FAM110B: variants seen among roughly 807,000 people sequenced by gnomAD.
FAM110B encodes family with sequence similarity 110 member B.
In FAM110B, 6 loss-of-function variants were observed where a neutral mutation model predicts 20.4. The observed-to-expected ratio is 0.29, with a 90% confidence interval of 0.16 to 0.58. The LOEUF is 0.58. FAM110B is among the 20% of genes least tolerant of loss of function. FAM110B has a pLI of 0.90. For synonymous variants in FAM110B, 226 were observed against 214.1 expected (o/e 1.06, Z -0.49); for missense variants, 434 against 498.2 (o/e 0.87, Z 1.23).
chr8:58,061,670 C>G (rs188889998), intron 2 of FAM110B, among the ~76,000 whole-genome samples: 1 of 152,196 alleles, frequency 6.6e-6, no homozygotes, highest in East Asian at 1.9e-4. Context: ...GTCCTTCACA[C>G]CACTTCCAGT....
In FAM110B at chr8:57,994,606, C is replaced by T. The variant is rs1792509006; in HGVS notation, c.-712C>T. 6.6e-6 allele frequency: 1 copy of T among 152,316 alleles called. No individual in the cohort carries two copies. The highest frequency in any genetic ancestry group is 2.1e-4 in the South Asian group (1 of 4,832). The allele number at this position is 152,316 out of a possible 1,614,324, so 9.4% of individuals were successfully genotyped here. On this transcript the variant is annotated 5_prime_UTR_variant, in exon 1 of 4. Coordinates refer to ENST00000519262, the MANE Select transcript of FAM110B (RefSeq NM_001377989.1). Reference sequence around the variant, plus strand: ...CGCCGCCAGCCGGGCCCTTCGCGGCCGCGCGTCCTGGGCCCGTTCCGCCAG... The same window carrying T: ...CGCCGCCAGCCGGGCCCTTCGCGGCTGCGCGTCCTGGGCCCGTTCCGCCAG...
At chr8:58,057,812 G>A (rs1805577860) in intron 2 of FAM110B, among the ~76,000 whole-genome samples, 1 of 152,250 alleles carries the variant, frequency 6.6e-6, no homozygotes, top group Non-Finnish European at 1.5e-5. Flanking sequence ...AATGATTAAT[G>A]CCTTTTGGCA....
Position 58,075,273 on chromosome 8 carries a change from T to TG in FAM110B, c.-413-262_-413-261insG, listed in dbSNP as rs58047108. On this transcript the variant is annotated intron_variant, in intron 2 of 3. Coordinates refer to ENST00000519262, the MANE Select transcript of FAM110B (RefSeq NM_001377989.1). ...TGAACTAATTTTTGCTTTTTTTTTT[T>TG]TTTGTGTGTGTGTGTGTGTGTGTTT... 7.8e-4 allele frequency among the ~76,000 whole-genome samples: 113 copies of TG among 145,074 alleles called. 1 individual carries two copies. Among genetic ancestry groups the TG allele is most frequent in the African/African-American group, 8.6e-4 (31 of 36,242 alleles).
intron 2 of FAM110B, among the ~76,000 whole-genome samples, chr8:58,047,741 G>T (rs918459897): frequency 2.6e-5 from 4 of 151,374 alleles, no homozygotes; most frequent in Non-Finnish European, 5.9e-5. Context: ...TACTTGTTTT[G>T]GTAAATGACT....
chr8:58,121,053 T>C (rs937506188), intron 3 of FAM110B, among the ~76,000 whole-genome samples: 32 of 152,200 alleles, frequency 2.1e-4, no homozygotes, highest in Admixed American at 6.5e-4. Context: ...TGGAGCTTGC[T>C]CAGTTCCAGT....
At chr8:58,012,651 GTGGCAGACAGCCCTTTCAGTCCC>G (rs996582586) in intron 1 of FAM110B, among the ~76,000 whole-genome samples, 1 of 152,224 alleles carries the variant, frequency 6.6e-6, no homozygotes, top group Non-Finnish European at 1.5e-5. Context: ...CACAAGTGTG[GTGGCAGACAGCCCTTTCAGTCCC>G]TGGGCCTGTG....
intron 2 of FAM110B, among the ~76,000 whole-genome samples, chr8:58,075,275 T>TTTTTTGTGTGTGTGTGTGTGTGTGTG (rs1554521068): frequency 1.4e-5 from 2 of 141,668 alleles, no homozygotes; most frequent in African/African-American, 5.7e-5. Flanking sequence ...TTTTTTTTTT[T>TTTTTTGTGTGTGTGTGTGTGTGTGTG]TGTGTGTGTG....
intron 2 of FAM110B, among the ~76,000 whole-genome samples, chr8:58,046,592 C>T (rs756509147): frequency 5.9e-5 from 9 of 152,210 alleles, no homozygotes; most frequent in Non-Finnish European, 1.2e-4. Context: ...GTTAGATGTA[C>T]ATAGGTATGT....
chr8:58,089,749 CTTAT>C (rs1806428333), intron 3 of FAM110B, among the ~76,000 whole-genome samples: 1 of 152,148 alleles, frequency 6.6e-6, no homozygotes, highest in African/African-American at 2.4e-5. Context: ...TCACATAGCT[CTTAT>C]TTATTTTTGA....
intron 3 of FAM110B, among the ~76,000 whole-genome samples, chr8:58,120,616 A>C (rs1394846249): frequency 2.0e-5 from 3 of 152,212 alleles, no homozygotes; most frequent in African/African-American, 7.2e-5. Context: ...CCCATCCCAG[A>C]AGTGGCTACC....
intron 3 of FAM110B, among the ~76,000 whole-genome samples, chr8:58,076,357 G>A (rs1012038721): frequency 6.6e-6 from 1 of 152,134 alleles, no homozygotes; most frequent in Admixed American, 6.5e-5. Context: ...TTGCAGGCTG[G>A]CCCCTTAAGG....
At chr8:57,996,412 T>C (rs1193053836) in intron 1 of FAM110B, among the ~76,000 whole-genome samples, 1 of 152,230 alleles carries the variant, frequency 6.6e-6, no homozygotes, top group Non-Finnish European at 1.5e-5. Flanking sequence ...ATCTGTTAGG[T>C]CATGATCTAT....
chr8:58,097,868 G>T (rs948340806), intron 3 of FAM110B, among the ~76,000 whole-genome samples: 1 of 152,204 alleles, frequency 6.6e-6, no homozygotes, highest in African/African-American at 2.4e-5. Flanking sequence ...GACCCTGTTT[G>T]CATGGGTATC....
chr8:58,140,879 A>G (rs1210686755), intron 3 of FAM110B, among the ~76,000 whole-genome samples: 1 of 152,172 alleles, frequency 6.6e-6, no homozygotes, highest in East Asian at 1.9e-4. Context: ...TTTATTTTCT[A>G]CATCATTCAT....
chr8:58,097,452 T>C (rs1379288839), intron 3 of FAM110B, among the ~76,000 whole-genome samples: 1 of 152,220 alleles, frequency 6.6e-6, no homozygotes, highest in African/African-American at 2.4e-5. Flanking sequence ...GCTAACCTTT[T>C]TTCAAGGTTC....
intron 3 of FAM110B, among the ~76,000 whole-genome samples, chr8:58,096,565 T>C (rs1487887387): frequency 3.3e-5 from 5 of 152,218 alleles, no homozygotes; most frequent in Non-Finnish European, 5.9e-5. Flanking sequence ...TTGTTATGCG[T>C]GAATTTGATC....
chr8:58,029,508 G>A (rs921772931), intron 1 of FAM110B, among the ~76,000 whole-genome samples: 5 of 152,086 alleles, frequency 3.3e-5, no homozygotes, highest in South Asian at 2.1e-4. Flanking sequence ...GAGTTGACTC[G>A]TGATGTTGTA....
At chr8:58,005,107 C>T (rs181666326) in intron 1 of FAM110B, among the ~76,000 whole-genome samples, 180 of 152,240 alleles carry the variant, frequency 1.2e-3, no homozygotes, top group African/African-American at 3.6e-3. Flanking sequence ...TCATTTATAG[C>T]GGTTGATTTA....
chr8:57,997,629 C>T (rs1304333942), intron 1 of FAM110B, among the ~76,000 whole-genome samples: 2 of 152,226 alleles, frequency 1.3e-5, no homozygotes, highest in East Asian at 3.8e-4. Context: ...CATCATTCTT[C>T]TGGCTCCTGG....
Sources: allele counts gnomAD v4.1 joint callset (sites outside exome capture counted in the v4.1 genomes callset), GRCh38; gene constraint gnomAD v4.1.1; transcripts MANE v1.5; gene names NCBI Gene and HGNC (gene_info 2026-07-23, HGNC 2026-07-21).